The following SOX5 variants were observed in gnomAD, a reference collection of about 807,000 sequenced individuals.
SOX5 encodes the protein SRY-box transcription factor 5, also known as transcription factor SOX-5.
A neutral mutation model predicts 92.0 loss-of-function variants in SOX5; 9 were observed. The ratio of observed to expected loss-of-function variants is 0.10; its 90% CI spans 0.06 to 0.17. SOX5 has a LOEUF of 0.17. SOX5 is among the 10% of genes least tolerant of loss of function. The probability of loss-of-function intolerance (pLI) is 1.00; values close to 1 mark genes in which losing one functional copy is unlikely to be tolerated. For missense variants in SOX5, 642 were observed against 944.5 expected (o/e 0.68, Z 4.20); for synonymous variants, 344 against 336.3 (o/e 1.02, Z -0.25).
At chr12:24,469,902 G>C (rs1944620346) in intron 1 of SOX5, among the ~76,000 whole-genome samples, 1 of 152,138 alleles carries the variant, frequency 6.6e-6, no homozygotes, top group Non-Finnish European at 1.5e-5. Context: ...TCAAGGACTT[G>C]AGGGCTGGAA....
At chr12:24,085,406 C>G (rs896408088) in intron 4 of SOX5, among the ~76,000 whole-genome samples, 1 of 152,140 alleles carries the variant, frequency 6.6e-6, no homozygotes, top group South Asian at 2.1e-4. Flanking sequence ...GGTCAACTAA[C>G]TTGCCCACAG....
At chr12:23,748,993 A>G (rs527328943) in intron 4 of SOX5, among the ~76,000 whole-genome samples, 1 of 152,074 alleles carries the variant, frequency 6.6e-6, no homozygotes, top group South Asian at 2.1e-4. Flanking sequence ...TAAACTGAAA[A>G]TAACATGAAT....
chr12:23,704,552 A>G (rs893609718), intron 6 of SOX5, among the ~76,000 whole-genome samples: 1 of 151,398 alleles, frequency 6.6e-6, no homozygotes, highest in African/African-American at 2.4e-5. Flanking sequence ...AACGACACCT[A>G]GGAAAGTTGT....
chr12:23,998,694 T>C (rs7138592), intron 4 of SOX5, among the ~76,000 whole-genome samples: 5,591 of 147,372 alleles, frequency 0.038, 364 homozygotes, highest in African/African-American at 0.13. Context: ...CCCAGCTCCT[T>C]GGGAGGCTGA....
intron 1 of SOX5, among the ~76,000 whole-genome samples, chr12:24,515,866 T>G (rs1466009949): frequency 6.6e-6 from 1 of 152,170 alleles, no homozygotes; most frequent in African/African-American, 2.4e-5. Context: ...AAATATACAT[T>G]TGTCTGTGAC....
intron 4 of SOX5, among the ~76,000 whole-genome samples, chr12:23,970,841 A>ATATATTT: frequency 2.3e-4 from 5 of 21,880 alleles, no homozygotes; most frequent in South Asian, 2.2e-3. Flanking sequence ...TATATATATA[A>ATATATTT]TTTTTTTTTT....
chr12:23,796,573 C>T (rs2095564317), intron 3 of SOX5, among the ~76,000 whole-genome samples: 1 of 151,776 alleles, frequency 6.6e-6, no homozygotes, highest in Non-Finnish European at 1.5e-5. Flanking sequence ...TTCTACTGGG[C>T]CTTACTAGGA....
At chr12:24,497,114 A>G (rs1009856365) in intron 1 of SOX5, among the ~76,000 whole-genome samples, 2 of 152,242 alleles carry the variant, frequency 1.3e-5, no homozygotes, top group Non-Finnish European at 2.9e-5. Context: ...GTCACTGTAC[A>G]ATCTACAGCT....
intron 1 of SOX5, among the ~76,000 whole-genome samples, chr12:24,510,100 T>C (rs1949172807): frequency 1.3e-5 from 2 of 152,232 alleles, no homozygotes; most frequent in African/African-American, 4.8e-5. Context: ...TCAGATAAAT[T>C]ATTCAAATAG....
At chr12:24,368,083 A>G (rs1432514727) in intron 2 of SOX5, 1 of 152,238 alleles carries the variant, frequency 6.6e-6, no homozygotes, top group African/African-American at 2.4e-5. Flanking sequence ...GATACATTTT[A>G]TCCCAATATA....
chr12:24,212,179 A>T (rs553857924), intron 4 of SOX5, among the ~76,000 whole-genome samples: 1 of 152,326 alleles, frequency 6.6e-6, no homozygotes, highest in Non-Finnish European at 1.5e-5. Context: ...ATATAGTCGA[A>T]ATTTATCTTC....
intron 6 of SOX5, among the ~76,000 whole-genome samples, chr12:23,709,177 C>T (rs1178300543): frequency 6.6e-6 from 1 of 152,162 alleles, no homozygotes; most frequent in East Asian, 1.9e-4. Context: ...TCAGAGCTCA[C>T]TTCAGCCTCT....
intron 4 of SOX5, among the ~76,000 whole-genome samples, chr12:24,165,802 T>C (rs1953334749): frequency 6.6e-6 from 1 of 152,038 alleles, no homozygotes; most frequent in Non-Finnish European, 1.5e-5. Flanking sequence ...TAAAGGGTAG[T>C]AGTTATTAGT....
At chr12:24,077,038 C>T (rs1942713746) in intron 4 of SOX5, among the ~76,000 whole-genome samples, 1 of 152,078 alleles carries the variant, frequency 6.6e-6, no homozygotes, top group African/African-American at 2.4e-5. Context: ...TTTTAAAACT[C>T]TTTGACACAG....
chr12:24,113,010 C>T (rs61912461), intron 4 of SOX5, among the ~76,000 whole-genome samples: 25,495 of 151,646 alleles, frequency 0.17, 2,558 homozygotes, highest in Middle Eastern at 0.35. Flanking sequence ...CAGACCAAAG[C>T]GCTCATTTTT....
rs1038201288 is a variant in SOX5 at position 24,152,238 on chromosome 12, A to G, written c.-2+61105T>C. On this transcript the variant is annotated intron_variant, in intron 4 of 4. Transcript: ENST00000446891. Reference sequence around the variant, plus strand: ...TTTTAGAGTTCAAAGATTTTTGTTCATTAATTAGTTAAAAGCATATTACAG... The same window carrying G: ...TTTTAGAGTTCAAAGATTTTTGTTCGTTAATTAGTTAAAAGCATATTACAG... Among the ~76,000 whole-genome samples the G allele has an allele frequency of 5.3e-5, 8 of 152,330 alleles. 1 individual carries two copies. In the South Asian group the frequency reaches 1.7e-3, roughly 32 times the overall value.
chr12:23,843,554 C>CTTTTTTTTTTTTTTTTTT lies in SOX5; in HGVS notation c.481+2411_481+2428dup, dbSNP rs71059931. ...TCAGAATATTTGACAGTCATTTCTCCTTTTTTTTTTTTTTTTTTTTTTTTT... is the reference window on the plus strand; with the variant it reads ...TCAGAATATTTGACAGTCATTTCTCCTTTTTTTTTTTTTTTTTTTTTTTTTTTTTTTTTTTTTTTTTTT... On this transcript the variant is annotated intron_variant, in intron 3 of 14. Coordinates refer to ENST00000451604, the MANE Select transcript of SOX5 (RefSeq NM_006940.6). 1.1e-4 allele frequency among the ~76,000 whole-genome samples: 8 copies of CTTTTTTTTTTTTTTTTTT among 71,304 alleles called. 1 individual carries two copies. The East Asian group carries it at 2.5e-3, about 22-fold the overall frequency. 46.8% of individuals were successfully genotyped at this position (71,304 alleles called of 152,430 possible). A position where few individuals can be genotyped will look rare whatever the true frequency, so the allele number is the denominator to read the frequency against.
chr12:23,854,030 G>A (rs942803040), intron 2 of SOX5, among the ~76,000 whole-genome samples: 1 of 151,834 alleles, frequency 6.6e-6, no homozygotes, highest in Non-Finnish European at 1.5e-5. Flanking sequence ...TTTTATTGTC[G>A]TTTTTAGTAA....
intron 8 of SOX5, among the ~76,000 whole-genome samples, chr12:23,615,246 T>C (rs2076415154): frequency 1.3e-5 from 2 of 152,208 alleles, no homozygotes; most frequent in Admixed American, 1.3e-4. Flanking sequence ...CTGTCTTTTT[T>C]GGTAAAATAT....
Sources: allele counts gnomAD v4.1 joint callset (sites outside exome capture counted in the v4.1 genomes callset), GRCh38; gene constraint gnomAD v4.1.1; transcripts MANE v1.5; gene names NCBI Gene and HGNC (gene_info 2026-07-23, HGNC 2026-07-21).